The following SLC44A5 variants were observed in gnomAD, a reference collection of about 807,000 sequenced individuals.
SLC44A5 encodes the protein choline transporter-like protein 5.
A neutral mutation model predicts 101.8 loss-of-function variants in SLC44A5; 57 were observed. The ratio of observed to expected loss-of-function variants is 0.56; its 90% CI spans 0.45 to 0.70. The LOEUF (loss-of-function observed/expected upper bound fraction) is 0.70. SLC44A5 is among the 30% of genes least tolerant of loss of function. The pLI, the probability that SLC44A5 is intolerant of heterozygous loss-of-function variation, is 0.00. For missense variants in SLC44A5, 737 were observed against 853.1 expected (o/e 0.86, Z 1.70); for synonymous variants, 281 against 290.9 (o/e 0.97, Z 0.35).
the SLC44A5 span, among the ~76,000 whole-genome samples, chr1:75,646,316 G>A: frequency 6.6e-6 from 1 of 150,888 alleles, no homozygotes; most frequent in South Asian, 2.2e-4. Context: ...ATTGAGCAGT[G>A]GTTTGTAGTT....
chr1:75,412,554 G>A (rs780950035), intron 2 of SLC44A5, among the ~76,000 whole-genome samples: 4 of 152,056 alleles, frequency 2.6e-5, no homozygotes, highest in Non-Finnish European at 4.4e-5. Context: ...GGCAGACCAC[G>A]AACAGGAGGT....
At chr1:75,479,356 G>A (rs941552301) in intron 2 of SLC44A5, among the ~76,000 whole-genome samples, 3 of 152,050 alleles carry the variant, frequency 2.0e-5, no homozygotes, top group African/African-American at 7.2e-5. Context: ...AAAAGCAAGA[G>A]CAAACACATT....
At chr1:75,491,274 A>G (rs566191645) in intron 2 of SLC44A5, among the ~76,000 whole-genome samples, 1 of 152,164 alleles carries the variant, frequency 6.6e-6, no homozygotes, top group Non-Finnish European at 1.5e-5. Flanking sequence ...TCTTGCCACC[A>G]TCAGATAAAC....
At chr1:75,696,862 C>G in the SLC44A5 span, among the ~76,000 whole-genome samples, 1 of 151,326 alleles carries the variant, frequency 6.6e-6, no homozygotes, top group South Asian at 2.1e-4. Flanking sequence ...GAGATCCAGA[C>G]TGGGCAACAG....
chr1:75,260,814 A>G (rs1030684238), intron 6 of SLC44A5, among the ~76,000 whole-genome samples: 11 of 152,092 alleles, frequency 7.2e-5, no homozygotes, highest in Admixed American at 5.9e-4. Flanking sequence ...CAGAAATCAT[A>G]ACAAACAGTC....
intron 6 of SLC44A5, among the ~76,000 whole-genome samples, chr1:75,260,797 A>G (rs1557590338): frequency 1.3e-5 from 2 of 152,170 alleles, no homozygotes; most frequent in African/African-American, 2.4e-5. Flanking sequence ...CAGCAAATGC[A>G]AAAGAACAGA....
the SLC44A5 span, among the ~76,000 whole-genome samples, chr1:75,655,541 G>A: frequency 2.0e-5 from 3 of 152,164 alleles, no homozygotes; most frequent in African/African-American, 7.2e-5. Flanking sequence ...ACTGATCTTA[G>A]AATCTGTGTG....
chr1:75,266,350 C>A (rs1016714435), intron 6 of SLC44A5, among the ~76,000 whole-genome samples: 33 of 148,812 alleles, frequency 2.2e-4, no homozygotes, highest in Non-Finnish European at 4.1e-4. Flanking sequence ...CACACACACA[C>A]ACATTTATTT....
intron 1 of SLC44A5, among the ~76,000 whole-genome samples, chr1:75,591,068 A>G (rs1273280155): frequency 6.6e-6 from 1 of 152,208 alleles, no homozygotes; most frequent in African/African-American, 2.4e-5. Context: ...TAGGTGGCTC[A>G]GAACAGAGAG....
chr1:75,656,236 C>T, the SLC44A5 span, among the ~76,000 whole-genome samples: 2 of 152,162 alleles, frequency 1.3e-5, no homozygotes, highest in Non-Finnish European at 2.9e-5. Flanking sequence ...CACCACCAGA[C>T]CTGTCTTACA....
chr1:75,565,953 T>C (rs796336372), intron 1 of SLC44A5, among the ~76,000 whole-genome samples: 1 of 152,218 alleles, frequency 6.6e-6, no homozygotes, highest in South Asian at 2.1e-4. Flanking sequence ...GGTGTTATTT[T>C]TCACACTGAT....
chr1:75,283,758 T>A (rs1023347963), intron 5 of SLC44A5, among the ~76,000 whole-genome samples: 1 of 131,614 alleles, frequency 7.6e-6, no homozygotes, highest in Non-Finnish European at 1.7e-5. Context: ...CAGGATTTCC[T>A]TTCCCTACTT....
the SLC44A5 span, among the ~76,000 whole-genome samples, chr1:75,652,757 A>G: frequency 2.6e-5 from 4 of 152,130 alleles, no homozygotes; most frequent in African/African-American, 9.7e-5. Context: ...TCACACCACT[A>G]CACTTCAGCC....
the SLC44A5 span, among the ~76,000 whole-genome samples, chr1:75,698,071 G>A: frequency 6.6e-6 from 1 of 152,218 alleles, no homozygotes; most frequent in East Asian, 1.9e-4. Flanking sequence ...CAGTGAGGCT[G>A]GGAGAGGGGT....
At chr1:75,640,709 T>G in the SLC44A5 span, among the ~76,000 whole-genome samples, 1 of 152,108 alleles carries the variant, frequency 6.6e-6, no homozygotes, top group Non-Finnish European at 1.5e-5. Context: ...CATGCAAATA[T>G]TAAAACCAGT....
the SLC44A5 span, among the ~76,000 whole-genome samples, chr1:75,698,160 G>A: frequency 3.3e-5 from 5 of 152,230 alleles, no homozygotes; most frequent in Non-Finnish European, 7.3e-5. Flanking sequence ...CACAGCTCAA[G>A]GAGGCCTGCC....
chr1:75,470,313 A>G (rs980719395), intron 2 of SLC44A5, among the ~76,000 whole-genome samples: 1 of 152,196 alleles, frequency 6.6e-6, no homozygotes, highest in Non-Finnish European at 1.5e-5. Flanking sequence ...TGAGCACTCA[A>G]GAGAAACCAA....
chr1:75,596,295 G>C (rs1166604415), intron 1 of SLC44A5, among the ~76,000 whole-genome samples: 1 of 151,788 alleles, frequency 6.6e-6, no homozygotes, highest in East Asian at 1.9e-4. Flanking sequence ...AATTGAGGCA[G>C]TAATAAATAG....
chr1:75,632,572 T>G, the SLC44A5 span, among the ~76,000 whole-genome samples: 1 of 151,186 alleles, frequency 6.6e-6, no homozygotes, highest in African/African-American at 2.4e-5. Flanking sequence ...AACTGCACCT[T>G]TTAAAATCTC....
Sources: gnomAD v4.1 joint callset for allele counts (sites outside exome capture counted in the v4.1 genomes callset) on GRCh38, gnomAD v4.1.1 for gene constraint, MANE v1.5 for transcripts, NCBI Gene and HGNC (gene_info 2026-07-23, HGNC 2026-07-21) for gene names.